NOS1AP: variants seen among roughly 807,000 people sequenced by gnomAD.
The protein encoded by NOS1AP is nitric oxide synthase 1 adaptor protein.
A neutral mutation model predicts 56.2 loss-of-function variants in NOS1AP; 21 were observed. The observed-to-expected ratio is 0.37, with a 90% CI of 0.26 to 0.54. The LOEUF is 0.54. Ranked by LOEUF, NOS1AP falls within the 20% of genes least tolerant of loss-of-function variation. NOS1AP has a pLI of 0.84. For synonymous variants in NOS1AP, 270 were observed against 274.6 expected (o/e 0.98, Z 0.17); for missense variants, 522 against 657.8 (o/e 0.79, Z 2.26).
intron 2 of NOS1AP, among the ~76,000 whole-genome samples, chr1:162,241,015 A>G (rs1000818853): frequency 6.6e-6 from 1 of 152,166 alleles, no homozygotes; most frequent in South Asian, 2.1e-4. Flanking sequence ...AATCCAGCCT[A>G]TCCTCTACTT....
intron 3 of NOS1AP, among the ~76,000 whole-genome samples, chr1:162,293,938 A>G (rs773775033): frequency 6.6e-6 from 1 of 152,192 alleles, no homozygotes; most frequent in Non-Finnish European, 1.5e-5. Flanking sequence ...TTTTCCCCAC[A>G]TCAACTATGA....
At chr1:162,336,213 A>C (rs999268283) in intron 5 of NOS1AP, among the ~76,000 whole-genome samples, 9 of 152,158 alleles carry the variant, frequency 5.9e-5, no homozygotes, top group African/African-American at 2.2e-4. Context: ...TGAATGATCT[A>C]ACTTTATTCC....
chr1:162,269,484 A>AT (rs1557857448), intron 2 of NOS1AP, among the ~76,000 whole-genome samples: 1 of 152,226 alleles, frequency 6.6e-6, no homozygotes, highest in African/African-American at 2.4e-5. Flanking sequence ...ACCAGTACTT[A>AT]TTTTTGAAAA....
chr1:162,168,389 T>C (rs1451627392), intron 2 of NOS1AP, among the ~76,000 whole-genome samples: 2 of 152,238 alleles, frequency 1.3e-5, no homozygotes, highest in African/African-American at 4.8e-5. Context: ...TCTGGACTTC[T>C]GGTTGAGCCA....
chr1:162,263,929 A>C (rs1022453205), intron 2 of NOS1AP, among the ~76,000 whole-genome samples: 8 of 152,170 alleles, frequency 5.3e-5, no homozygotes, highest in Admixed American at 4.6e-4. Context: ...CCTGTCCCAC[A>C]TCCAATCCAA....
intron 3 of NOS1AP, among the ~76,000 whole-genome samples, chr1:162,291,344 G>A (rs558493784): frequency 8.5e-4 from 129 of 152,320 alleles, no homozygotes; most frequent in African/African-American, 3.0e-3. Flanking sequence ...TTCACTAGCT[G>A]CTTGATTGAA....
chr1:162,136,819 A>G (rs1194025055), intron 1 of NOS1AP, among the ~76,000 whole-genome samples: 1 of 152,206 alleles, frequency 6.6e-6, no homozygotes, highest in Non-Finnish European at 1.5e-5. Flanking sequence ...CTTGGAGCAT[A>G]CAGAAGTACC....
intron 4 of NOS1AP, among the ~76,000 whole-genome samples, chr1:162,331,604 CTCTTTCTTCT>C (rs1170665324): frequency 4.6e-5 from 7 of 151,964 alleles, no homozygotes; most frequent in Non-Finnish European, 8.8e-5. Flanking sequence ...CAATCCCATT[CTCTTTCTTCT>C]ATACAGCACA....
At chr1:162,110,168 T>C (rs1331245458) in intron 1 of NOS1AP, among the ~76,000 whole-genome samples, 1 of 152,030 alleles carries the variant, frequency 6.6e-6, no homozygotes, top group East Asian at 1.9e-4. Flanking sequence ...AATTAAATTC[T>C]ACATGTCGGT....
chr1:162,080,691 C>G (rs982168231), intron 1 of NOS1AP, among the ~76,000 whole-genome samples: 1 of 152,190 alleles, frequency 6.6e-6, no homozygotes, highest in Non-Finnish European at 1.5e-5. Flanking sequence ...CCTGCTACTT[C>G]TGTGTGTGCA....
intron 2 of NOS1AP, among the ~76,000 whole-genome samples, chr1:162,206,952 C>T (rs1418919717): frequency 6.6e-6 from 1 of 152,190 alleles, no homozygotes; most frequent in Non-Finnish European, 1.5e-5. Context: ...AACCAGCACC[C>T]ATTTGTGCTG....
In NOS1AP at chr1:162,287,436, G is replaced by A. The variant is rs1248977194; in HGVS notation, c.270G>A (p.Lys90=). Residue 90 remains lysine (K), a splice_region_variant and synonymous_variant, in exon 3 of 10, where the codon AAG becomes AAA. Transcript: ENST00000361897. ...GVKVILKKKK[K]LLLLQKKEWT... is the part of the protein sequence containing the mutation. ...AAGTGATTCTGAAGAAGAAGAAAAA[G>A]GTAAGTGGCTCTGAACCAGAATCTG... is the stretch of plus-strand genomic sequence containing the variant. 6.2e-7 allele frequency: 1 copy of A among 1,602,934 alleles called. No homozygotes were observed. The highest frequency in any genetic ancestry group is 8.5e-7 in the Non-Finnish European group (1 of 1,169,936).
intron 1 of NOS1AP, among the ~76,000 whole-genome samples, chr1:162,152,330 G>A (rs960160664): frequency 6.6e-6 from 1 of 152,188 alleles, no homozygotes; most frequent in Non-Finnish European, 1.5e-5. Context: ...GGGAACATGA[G>A]CCCCTCAAGG....
At chr1:162,267,847 G>C (rs1393421703) in intron 2 of NOS1AP, among the ~76,000 whole-genome samples, 2 of 152,142 alleles carry the variant, frequency 1.3e-5, no homozygotes, top group East Asian at 1.9e-4. Flanking sequence ...TTTAGTCCAA[G>C]GTCTGCAGAA....
At chr1:162,154,147 C>G (rs1012474115) in intron 1 of NOS1AP, among the ~76,000 whole-genome samples, 1 of 152,064 alleles carries the variant, frequency 6.6e-6, no homozygotes, top group Non-Finnish European at 1.5e-5. Flanking sequence ...GGCTTTCTGG[C>G]TTGAAAGGCT....
chr1:162,192,243 G>A (rs1468896340), intron 2 of NOS1AP, among the ~76,000 whole-genome samples: 1 of 152,156 alleles, frequency 6.6e-6, no homozygotes, highest in Non-Finnish European at 1.5e-5. Context: ...GACAACTGCT[G>A]GTCTGAGCCA....
intron 5 of NOS1AP, among the ~76,000 whole-genome samples, chr1:162,335,464 A>G (rs1377910906): frequency 2.0e-5 from 3 of 152,210 alleles, no homozygotes; most frequent in Non-Finnish European, 4.4e-5. Context: ...GCCTCCAAAC[A>G]TGGTGATTTA....
intron 2 of NOS1AP, among the ~76,000 whole-genome samples, chr1:162,189,616 T>A (rs894292275): frequency 1.3e-5 from 2 of 152,166 alleles, no homozygotes; most frequent in African/African-American, 4.8e-5. Flanking sequence ...CTCATGGAAC[T>A]TATGTTCAAA....
In NOS1AP at chr1:162,197,860, C is replaced by T. The variant is rs574981559; in HGVS notation, c.177+43384C>T. 1.8e-3 allele frequency among the ~76,000 whole-genome samples: 269 copies of T among 152,360 alleles called. 2 individuals carry two copies. The highest frequency in any genetic ancestry group is 6.3e-3 in the African/African-American group (261 of 41,586). ...AGAGTGTCCAACTCTCTTGGCCCTG[C>T]CGCACTATCCTCAGGTTAACTGGTG... On this transcript the variant is annotated intron_variant, in intron 2 of 9. Coordinates refer to ENST00000361897, the MANE Select transcript of NOS1AP (RefSeq NM_014697.3).
Sources: allele counts gnomAD v4.1 joint callset (sites outside exome capture counted in the v4.1 genomes callset), GRCh38; gene constraint gnomAD v4.1.1; transcripts MANE v1.5; gene names NCBI Gene and HGNC (gene_info 2026-07-23, HGNC 2026-07-21).